Variants in WDFY2 observed in about 807,000 individuals in gnomAD.
WDFY2 encodes the protein WD repeat and FYVE domain containing 2, also known as WD repeat and FYVE domain-containing protein 2.
WDFY2 carries 36 observed loss-of-function variants against 56.4 expected under a neutral mutation model. The ratio of observed to expected loss-of-function variants is 0.64; its 90% CI spans 0.49 to 0.84. The LOEUF is 0.84. Among genes scored for constraint, WDFY2 ranks in the 40% least tolerant of loss-of-function variants. WDFY2 has a pLI of 0.00. For synonymous variants in WDFY2, 176 were observed against 183.7 expected (o/e 0.96, Z 0.34); for missense variants, 444 against 512.2 (o/e 0.87, Z 1.29).
intron 2 of WDFY2, among the ~76,000 whole-genome samples, chr13:51,674,385 G>T (rs770204484): frequency 2.0e-5 from 3 of 152,136 alleles, no homozygotes; most frequent in Non-Finnish European, 1.5e-5. Flanking sequence ...AGAAGGCAGG[G>T]ACCTGGGAGC....
At chr13:51,585,683 T>G (rs1953923521) in intron 1 of WDFY2, among the ~76,000 whole-genome samples, 1 of 152,244 alleles carries the variant, frequency 6.6e-6, no homozygotes, top group Non-Finnish European at 1.5e-5. Flanking sequence ...TGAAATTGTT[T>G]CTTTGGTAAA....
At chr13:51,612,249 A>G (rs1954517911) in intron 1 of WDFY2, among the ~76,000 whole-genome samples, 1 of 152,142 alleles carries the variant, frequency 6.6e-6, no homozygotes, top group Non-Finnish European at 1.5e-5. Flanking sequence ...TAGCTTCTCT[A>G]TAAAGCAGCC....
At chr13:51,746,196 G>A (rs188845405) in intron 7 of WDFY2, among the ~76,000 whole-genome samples, 85 of 152,064 alleles carry the variant, frequency 5.6e-4, no homozygotes, top group Non-Finnish European at 4.1e-4. Flanking sequence ...TAGCCAGGCT[G>A]GTCTTGAACT....
intron 3 of WDFY2, among the ~76,000 whole-genome samples, chr13:51,681,405 A>G (rs1955974319): frequency 6.6e-6 from 1 of 152,170 alleles, no homozygotes; most frequent in African/African-American, 2.4e-5. Flanking sequence ...ATTTGAAGAA[A>G]ATTTCAGGAA....
At chr13:51,738,521 C>T (rs1052723719) in intron 6 of WDFY2, among the ~76,000 whole-genome samples, 13 of 152,152 alleles carry the variant, frequency 8.5e-5, no homozygotes, top group Non-Finnish European at 1.0e-4. Flanking sequence ...AGGAAACTGA[C>T]ATTTAAGAAC....
intron 2 of WDFY2, among the ~76,000 whole-genome samples, chr13:51,667,775 A>G (rs954958949): frequency 2.0e-5 from 3 of 151,390 alleles, no homozygotes; most frequent in Non-Finnish European, 4.4e-5. Context: ...TTATGGAACC[A>G]TGTGTGATTT....
At chr13:51,691,916 C>G (rs1023839485) in intron 3 of WDFY2, among the ~76,000 whole-genome samples, 11 of 151,728 alleles carry the variant, frequency 7.2e-5, no homozygotes, top group African/African-American at 2.7e-4. Context: ...CCTTCACATC[C>G]CTTGTAAGTT....
chr13:51,644,953 T>C (rs1157812361), intron 1 of WDFY2, among the ~76,000 whole-genome samples: 1 of 152,202 alleles, frequency 6.6e-6, no homozygotes, highest in Non-Finnish European at 1.5e-5. Flanking sequence ...ACACAGTGCA[T>C]TGTAGAAGAT....
intron 2 of WDFY2, among the ~76,000 whole-genome samples, chr13:51,673,178 G>A (rs928816102): frequency 2.0e-5 from 3 of 152,150 alleles, no homozygotes; most frequent in Non-Finnish European, 2.9e-5. Flanking sequence ...GAAAAAACAA[G>A]GAATAAGGGA....
intron 5 of WDFY2, among the ~76,000 whole-genome samples, chr13:51,726,653 A>G (rs1416025915): frequency 6.6e-6 from 1 of 152,244 alleles, no homozygotes; most frequent in East Asian, 1.9e-4. Context: ...CTTATCAGTT[A>G]ATGGTGGGAA....
At chr13:51,636,552 C>T (rs1185469186) in intron 1 of WDFY2, among the ~76,000 whole-genome samples, 1 of 152,158 alleles carries the variant, frequency 6.6e-6, no homozygotes, top group Non-Finnish European at 1.5e-5. Flanking sequence ...ATGGAAAGTA[C>T]TCATGAGACT....
intron 4 of WDFY2, among the ~76,000 whole-genome samples, chr13:51,715,140 A>C (rs1952315122): frequency 6.6e-6 from 1 of 152,310 alleles, no homozygotes; most frequent in Admixed American, 6.5e-5. Context: ...GGCCTTGGAC[A>C]TTACTGTACA....
chr13:51,630,747 A>AC (rs934507937), intron 1 of WDFY2, among the ~76,000 whole-genome samples: 1 of 134,902 alleles, frequency 7.4e-6, no homozygotes, highest in African/African-American at 2.7e-5. Context: ...TTTCACTGAA[A>AC]TTTTTTTTTT....
chr13:51,686,730 A>G (rs1017157088), intron 3 of WDFY2, among the ~76,000 whole-genome samples: 2 of 152,130 alleles, frequency 1.3e-5, no homozygotes, highest in South Asian at 4.1e-4. Context: ...AAAGCAACAC[A>G]TTACTGTGTT....
intron 5 of WDFY2, among the ~76,000 whole-genome samples, chr13:51,722,633 T>G (rs1952515868): frequency 6.6e-6 from 1 of 152,250 alleles, no homozygotes; most frequent in Non-Finnish European, 1.5e-5. Flanking sequence ...ATTCTCTGTT[T>G]TCACAGTGTA....
intron 5 of WDFY2, among the ~76,000 whole-genome samples, chr13:51,724,949 T>C (rs1952573320): frequency 6.6e-6 from 1 of 152,222 alleles, no homozygotes; most frequent in Non-Finnish European, 1.5e-5. Flanking sequence ...CTCAAGTTCA[T>C]CTTGTACTTT....
At chr13:51,748,738 C>T (rs1362095464) in intron 7 of WDFY2, among the ~76,000 whole-genome samples, 2 of 151,990 alleles carry the variant, frequency 1.3e-5, no homozygotes, top group African/African-American at 2.4e-5. Context: ...TAAAGAACAT[C>T]CTTTCACATT....
At chr13:51,612,605 A>T (rs997815202) in intron 1 of WDFY2, among the ~76,000 whole-genome samples, 1 of 152,242 alleles carries the variant, frequency 6.6e-6, no homozygotes, top group Non-Finnish European at 1.5e-5. Flanking sequence ...GATATAGTCC[A>T]TTTGTAAAAG....
chr13:51,725,717 A>G (rs1450160264), intron 5 of WDFY2, among the ~76,000 whole-genome samples: 1 of 149,344 alleles, frequency 6.7e-6, no homozygotes, highest in African/African-American at 2.5e-5. Context: ...TTTTTAAGAC[A>G]GGGTCTCACT....
Sources: gnomAD v4.1 joint callset for allele counts (sites outside exome capture counted in the v4.1 genomes callset) on GRCh38, gnomAD v4.1.1 for gene constraint, MANE v1.5 for transcripts, NCBI Gene and HGNC (gene_info 2026-07-23, HGNC 2026-07-21) for gene names.